The following SPOCK1 variants were observed in gnomAD, a reference collection of about 807,000 sequenced individuals.
SPOCK1 encodes the protein SPARC (osteonectin), cwcv and kazal like domains proteoglycan 1.
In SPOCK1, 23 loss-of-function variants were observed where a neutral mutation model predicts 55.3. That is an observed-to-expected ratio of 0.42 (90% CI 0.30 to 0.59). The LOEUF (loss-of-function observed/expected upper bound fraction) is 0.59. SPOCK1 is among the 20% of genes least tolerant of loss of function. The probability of loss-of-function intolerance (pLI) is 0.22; values close to 1 mark genes in which losing one functional copy is unlikely to be tolerated. For missense variants in SPOCK1, 499 were observed against 552.5 expected (o/e 0.90, Z 0.97); for synonymous variants, 226 against 221.0 (o/e 1.02, Z -0.20).
chr5:137,413,339 A>T (rs1191312294), intron 2 of SPOCK1, among the ~76,000 whole-genome samples: 2 of 152,234 alleles, frequency 1.3e-5, no homozygotes, highest in Non-Finnish European at 2.9e-5. Flanking sequence ...CAAAATTTTT[A>T]AAATCATGAG....
intron 5 of SPOCK1, among the ~76,000 whole-genome samples, chr5:137,084,484 G>A (rs1274418987): frequency 6.6e-6 from 1 of 152,010 alleles, no homozygotes; most frequent in Non-Finnish European, 1.5e-5. Context: ...CCAGCCAGGG[G>A]CATTTCTAGG....
chr5:137,159,675 CTT>C (rs970885738), intron 3 of SPOCK1, among the ~76,000 whole-genome samples: 42 of 152,066 alleles, frequency 2.8e-4, no homozygotes, highest in Non-Finnish European at 5.9e-4. Context: ...CAATTTTATT[CTT>C]TTTTTATGGC....
chr5:137,442,573 A>G (rs1313521769), intron 2 of SPOCK1, among the ~76,000 whole-genome samples: 2 of 152,140 alleles, frequency 1.3e-5, no homozygotes, highest in African/African-American at 4.8e-5. Context: ...TGCTCCATAA[A>G]TGTCAGATTC....
intron 3 of SPOCK1, among the ~76,000 whole-genome samples, chr5:137,223,680 C>G (rs1236354042): frequency 6.6e-6 from 1 of 152,056 alleles, no homozygotes; most frequent in African/African-American, 2.4e-5. Context: ...TGAGCAAAAA[C>G]ATGTTCTAAA....
intron 3 of SPOCK1, among the ~76,000 whole-genome samples, chr5:137,257,348 G>A (rs147613920): frequency 6.6e-6 from 1 of 152,322 alleles, no homozygotes; most frequent in Non-Finnish European, 1.5e-5. Flanking sequence ...ATTAGAGGTA[G>A]GGCCTTTGGG....
chr5:137,259,688 T>TGA (rs374131674), intron 3 of SPOCK1, among the ~76,000 whole-genome samples: 12 of 130,230 alleles, frequency 9.2e-5, no homozygotes, highest in South Asian at 5.1e-4. Flanking sequence ...CACATGAAAG[T>TGA]AAAAAAAAAA....
intron 3 of SPOCK1, among the ~76,000 whole-genome samples, chr5:137,183,891 A>G (rs1580795442): frequency 6.6e-6 from 1 of 152,192 alleles, no homozygotes; most frequent in Non-Finnish European, 1.5e-5. Context: ...GCTTAAAGTC[A>G]CCCATCCCCC....
intron 3 of SPOCK1, among the ~76,000 whole-genome samples, chr5:137,243,635 T>G (rs1399128101): frequency 6.6e-6 from 1 of 152,208 alleles, no homozygotes; most frequent in Admixed American, 6.5e-5. Context: ...AAATCTACTA[T>G]TACATTTCAC....
At chr5:137,284,207 C>T (rs1289247912) in intron 2 of SPOCK1, among the ~76,000 whole-genome samples, 1 of 152,180 alleles carries the variant, frequency 6.6e-6, no homozygotes, top group Non-Finnish European at 1.5e-5. Flanking sequence ...CCAACTGCTC[C>T]TTCTGTGCAC....
chr5:137,313,474 C>T (rs1757822169), intron 2 of SPOCK1: 5 of 985,330 alleles, frequency 5.1e-6, no homozygotes, highest in Middle Eastern at 5.2e-4. Context: ...ACAGGCCGGG[C>T]ACCTGTGACA....
chr5:137,424,503 A>G (rs1228117937), intron 2 of SPOCK1, among the ~76,000 whole-genome samples: 1 of 152,236 alleles, frequency 6.6e-6, no homozygotes, highest in African/African-American at 2.4e-5. Context: ...ACCCAACAGA[A>G]GTTAAAAGCA....
intron 5 of SPOCK1, among the ~76,000 whole-genome samples, chr5:137,094,244 G>C (rs986192404): frequency 3.3e-5 from 5 of 152,168 alleles, no homozygotes; most frequent in African/African-American, 1.2e-4. Context: ...CACATTGAAT[G>C]TGAGATGCCA....
chr5:137,310,292 T>C lies in SPOCK1; in HGVS notation c.187-43237A>G, dbSNP rs62374173. 5.9e-3 allele frequency among the ~76,000 whole-genome samples: 906 copies of C among 152,308 alleles called. 1 individual carries two copies. Among genetic ancestry groups the C allele is most frequent in the Admixed American group, 8.9e-3 (136 of 15,306 alleles). On this transcript the variant is annotated intron_variant, in intron 2 of 10. Transcript: ENST00000394945. ...TTCCTGTCTCTCCCATTTAAATGAA[T>C]GGCACCAAGCTTTTCTGAGCTCAGG...
intron 3 of SPOCK1, among the ~76,000 whole-genome samples, chr5:137,183,371 CT>C (rs376199616): frequency 1.3e-5 from 2 of 152,246 alleles, no homozygotes; most frequent in East Asian, 3.9e-4. Flanking sequence ...ACATCCTGGC[CT>C]GAAAACCATG....
chr5:137,395,587 T>A (rs1011842273), intron 2 of SPOCK1, among the ~76,000 whole-genome samples: 1 of 152,202 alleles, frequency 6.6e-6, no homozygotes, highest in African/African-American at 2.4e-5. Flanking sequence ...ATAACTAACA[T>A]AATCACCCAG....
intron 4 of SPOCK1, among the ~76,000 whole-genome samples, chr5:137,133,607 G>T (rs10050568): frequency 0.7 from 106,820 of 151,914 alleles, 37,857 homozygotes; most frequent in Middle Eastern, 0.74. Context: ...GAGTTAAGTG[G>T]CTTGAGAGTT....
intron 4 of SPOCK1, among the ~76,000 whole-genome samples, chr5:137,128,137 C>T (rs1159978524): frequency 6.6e-6 from 1 of 152,194 alleles, no homozygotes; most frequent in African/African-American, 2.4e-5. Flanking sequence ...CGTAGATATT[C>T]CTGGCTGCTT....
At chr5:137,216,900 G>A (rs1014669937) in intron 3 of SPOCK1, among the ~76,000 whole-genome samples, 1 of 152,174 alleles carries the variant, frequency 6.6e-6, no homozygotes, top group Non-Finnish European at 1.5e-5. Flanking sequence ...AAATCACAAT[G>A]GAAAGAAGTG....
At chr5:137,148,124 G>A (rs2127056335) in intron 3 of SPOCK1, among the ~76,000 whole-genome samples, 1 of 152,222 alleles carries the variant, frequency 6.6e-6, no homozygotes, top group Middle Eastern at 3.4e-3. Context: ...TATCCTGTCT[G>A]CAGCAAGGAG....
Sources: allele counts gnomAD v4.1 joint callset (sites outside exome capture counted in the v4.1 genomes callset), GRCh38; gene constraint gnomAD v4.1.1; transcripts MANE v1.5; gene names NCBI Gene and HGNC (gene_info 2026-07-23, HGNC 2026-07-21).